HDAC9: variants seen among roughly 807,000 people sequenced by gnomAD.
The protein encoded by HDAC9 is MEF-2 interacting transcription repressor (MITR) protein.
A neutral mutation model predicts 139.4 loss-of-function variants in HDAC9; 41 were observed. That is an observed-to-expected ratio of 0.29 (90% CI 0.23 to 0.38). The LOEUF (loss-of-function observed/expected upper bound fraction) is 0.38, where lower values mean the gene tolerates loss of function less well. Ranked by LOEUF, HDAC9 falls within the 10% of genes least tolerant of loss-of-function variation. The pLI, the probability that HDAC9 is intolerant of heterozygous loss-of-function variation, is 1.00. For synonymous variants in HDAC9, 517 were observed against 476.2 expected (o/e 1.09, Z -1.12); for missense variants, 1,147 against 1,297.0 (o/e 0.88, Z 1.78).
chr7:18,836,062 A>G, intron 21 of HDAC9, 65 bp downstream of exon 21: 1 of 818,482 alleles, frequency 1.2e-6, no homozygotes, highest in Admixed American at 2.5e-5. Flanking sequence ...AATAACACCA[A>G]ATATGGAAGA....
At chr7:18,387,506 G>A (rs373337424) in intron 1 of HDAC9, among the ~76,000 whole-genome samples, 10 of 152,232 alleles carry the variant, frequency 6.6e-5, no homozygotes, top group South Asian at 4.1e-4. Context: ...GGCTTTTCCC[G>A]AAATGCCATG....
intron 1 of HDAC9, among the ~76,000 whole-genome samples, chr7:18,351,515 C>T (rs1003099352): frequency 2.0e-5 from 3 of 151,996 alleles, no homozygotes; most frequent in Admixed American, 1.3e-4. Flanking sequence ...CTTATTAATG[C>T]TTTTTATAAT....
Position 18,831,210 on chromosome 7 carries a change from T to C in HDAC9, c.2466+1662T>C, listed in dbSNP as rs73312687. Among the ~76,000 whole-genome samples the C allele has an allele frequency of 6.9e-3, 1,055 of 152,316 alleles. 14 individuals carry two copies. The highest frequency in any genetic ancestry group is 0.024 in the African/African-American group (981 of 41,584). On this transcript the variant is annotated intron_variant, in intron 19 of 25. Transcript: ENST00000686413. ...AGGTTCTAGGAGGATAGTCAAAAACTGTTAGGAGTCCCCTTTGAAAACACA... is the reference window on the plus strand; with the variant it reads ...AGGTTCTAGGAGGATAGTCAAAAACCGTTAGGAGTCCCCTTTGAAAACACA...
chr7:18,544,902 G>C (rs1814269560), intron 2 of HDAC9, among the ~76,000 whole-genome samples: 2 of 152,190 alleles, frequency 1.3e-5, no homozygotes, highest in African/African-American at 4.8e-5. Flanking sequence ...ACCTCACATA[G>C]GAGTGATTTT....
intron 2 of HDAC9, among the ~76,000 whole-genome samples, chr7:18,514,406 C>T: frequency 6.6e-6 from 1 of 152,126 alleles, no homozygotes; most frequent in East Asian, 1.9e-4. Flanking sequence ...AATCTCTTTG[C>T]CCAGTGACTA....
chr7:18,636,167 T>C (rs10228382), intron 8 of HDAC9, among the ~76,000 whole-genome samples: 2 of 152,000 alleles, frequency 1.3e-5, no homozygotes, highest in African/African-American at 2.4e-5. Context: ...AGATAAAGCC[T>C]AGTACCAACC....
chr7:18,108,611 CTTTTTTTT>C (rs10708554), intron 1 of HDAC9, among the ~76,000 whole-genome samples: 4 of 82,966 alleles, frequency 4.8e-5, no homozygotes, highest in South Asian at 8.6e-4. Flanking sequence ...CACTCATCTC[CTTTTTTTT>C]TTTTTTTTTT....
At chr7:18,659,766 T>C (rs971124948) in intron 11 of HDAC9, among the ~76,000 whole-genome samples, 12 of 152,254 alleles carry the variant, frequency 7.9e-5, no homozygotes, top group African/African-American at 2.9e-4. Flanking sequence ...ACACGGTGTG[T>C]TTTACAGATG....
At chr7:18,520,061 G>A (rs573655493) in intron 2 of HDAC9, among the ~76,000 whole-genome samples, 1 of 151,946 alleles carries the variant, frequency 6.6e-6, no homozygotes, top group East Asian at 1.9e-4. Context: ...CAGAAAAGTA[G>A]TAAAAGTATT....
chr7:18,206,006 G>T (rs1367307197), intron 2 of HDAC9, among the ~76,000 whole-genome samples: 1 of 152,006 alleles, frequency 6.6e-6, no homozygotes, highest in African/African-American at 2.4e-5. Context: ...AAATTTCATT[G>T]AGATTTTTTT....
At chr7:18,829,589 G>C in intron 19 of HDAC9, 41 bp downstream of exon 19, 1 of 1,241,826 alleles carries the variant, frequency 8.1e-7, no homozygotes, top group Non-Finnish European at 1.2e-6. Flanking sequence ...AGTGATTCTA[G>C]ATAAAGGGGA....
At chr7:18,703,134 C>CAA (rs201670565) in intron 12 of HDAC9, among the ~76,000 whole-genome samples, 2 of 151,072 alleles carry the variant, frequency 1.3e-5, no homozygotes, top group African/African-American at 4.9e-5. Context: ...TAAAGCCAAT[C>CAA]AAAAAAAACA....
At chr7:18,299,118 T>C (rs753823791) in intron 1 of HDAC9, among the ~76,000 whole-genome samples, 3 of 152,112 alleles carry the variant, frequency 2.0e-5, no homozygotes, top group Non-Finnish European at 4.4e-5. Context: ...GGTGTAGGAC[T>C]CTGCATTGTA....
At chr7:18,415,079 C>T (rs148162805) in intron 1 of HDAC9, among the ~76,000 whole-genome samples, 1 of 152,158 alleles carries the variant, frequency 6.6e-6, no homozygotes, top group Non-Finnish European at 1.5e-5. Context: ...TGATACTCAG[C>T]GGCATTAAGT....
intron 1 of HDAC9, among the ~76,000 whole-genome samples, chr7:18,353,983 C>T (rs1783058837): frequency 6.6e-6 from 1 of 152,022 alleles, no homozygotes; most frequent in African/African-American, 2.4e-5. Flanking sequence ...TTAGTGTATG[C>T]ACATTCTAAG....
chr7:18,581,220 G>C (rs1019696866), intron 2 of HDAC9, among the ~76,000 whole-genome samples: 1 of 152,098 alleles, frequency 6.6e-6, no homozygotes, highest in Non-Finnish European at 1.5e-5. Context: ...GCTATATTTA[G>C]TCTAGACAAA....
chr7:18,436,680 A>G (rs1329970011), intron 1 of HDAC9, among the ~76,000 whole-genome samples: 1 of 152,368 alleles, frequency 6.6e-6, no homozygotes, highest in African/African-American at 2.4e-5. Context: ...TGGTGTTTTC[A>G]TAAAAATTTG....
intron 1 of HDAC9, among the ~76,000 whole-genome samples, chr7:18,100,580 T>C (rs758733309): frequency 4.6e-5 from 7 of 152,342 alleles, no homozygotes; most frequent in South Asian, 4.1e-4. Context: ...TCTCACACAT[T>C]GTAGTTTTCA....
chr7:18,239,159 C>G (rs778078130), intron 2 of HDAC9, among the ~76,000 whole-genome samples: 7 of 151,748 alleles, frequency 4.6e-5, no homozygotes, highest in Non-Finnish European at 1.0e-4. Context: ...AGACAATGTT[C>G]AAAATACAAG....
Sources: allele counts gnomAD v4.1 joint callset (sites outside exome capture counted in the v4.1 genomes callset), GRCh38; gene constraint gnomAD v4.1.1; transcripts MANE v1.5; gene names NCBI Gene and HGNC (gene_info 2026-07-23, HGNC 2026-07-21).